ADAP1: variants seen among roughly 807,000 people sequenced by gnomAD.
ADAP1 encodes ArfGAP with dual PH domains 1, also known as arf-GAP with dual PH domain-containing protein 1.
In ADAP1, 31 loss-of-function variants were observed where a neutral mutation model predicts 54.9. The observed-to-expected ratio is 0.56, with a 90% CI of 0.42 to 0.76. The LOEUF is 0.76. ADAP1 is among the 30% of genes least tolerant of loss of function. ADAP1 has a pLI of 0.00. For missense variants in ADAP1, 535 were observed against 512.4 expected, an observed-to-expected ratio of 1.04 and a Z score of -0.42; for synonymous variants, 313 against 202.6, an observed-to-expected ratio of 1.55 and a Z score of -4.63.
At chr7:915,599 G>A (rs1845901558) in intron 4 of ADAP1, among the ~76,000 whole-genome samples, 1 of 152,186 alleles carries the variant, frequency 6.6e-6, no homozygotes, top group Admixed American at 6.5e-5. Context: ...CCTGCCCGAG[G>A]GTCACACGGG....
intron 1 of ADAP1, among the ~76,000 whole-genome samples, chr7:947,798 G>A (rs1028103899): frequency 1.3e-5 from 2 of 151,834 alleles, no homozygotes; most frequent in African/African-American, 2.4e-5. Flanking sequence ...GACACTCCTC[G>A]GCTCACAGAA....
In ADAP1 at chr7:898,779, T is replaced by C. The variant is rs1844629814; in HGVS notation, c.*142A>G. The C allele has an allele frequency of 8.9e-6, 10 of 1,119,354 alleles. No individual in the cohort carries two copies. Among genetic ancestry groups the C allele is most frequent in the Non-Finnish European group, 1.3e-5 (10 of 778,536 alleles). The allele number at this position is 1,119,354 out of a possible 1,614,324, so 69.3% of individuals were successfully genotyped here. ...AGAGAAGCATCCTGGAAGCTGAAGC[T>C]CGGGCCCTACCTGGCCGCGCCGGGC... On this transcript the variant is annotated 3_prime_UTR_variant, in exon 11 of 11. Coordinates refer to ENST00000265846, the MANE Select transcript of ADAP1 (RefSeq NM_006869.4).
chr7:900,469 T>C (rs1482706948), intron 7 of ADAP1, 64 bp downstream of exon 7: 3 of 1,493,508 alleles, frequency 2.0e-6, no homozygotes, highest in East Asian at 4.8e-5. Flanking sequence ...GCACGAGGGC[T>C]CCGTCCACCC....
chr7:898,189 C>G lies in ADAP1; in HGVS notation c.*732G>C, dbSNP rs1844596423. ...CCGCCTGCAGCAAGCGCGACAGTGC[C>G]CGGGACCCCCAGGGCCACTCCTGCC... On this transcript the variant is annotated 3_prime_UTR_variant, in exon 11 of 11. Transcript: ENST00000265846. 1 of 152,626 alleles carries G rather than the reference C, an allele frequency of 6.6e-6. No individual in the cohort carries two copies. The highest frequency in any genetic ancestry group is 1.5e-5 in the Non-Finnish European group (1 of 68,342). 9.5% of individuals were successfully genotyped at this position (152,626 alleles called of 1,614,324 possible).
rs1257431161 is a variant in ADAP1, at chr7:946,040, A to G, written c.82+8356T>C. ...GGACGCTGGCTCTGGCCAGGCACGC[A>G]AGGGGCAGCCGAGGTGGGAGGGTGC... On this transcript the variant is annotated intron_variant, in intron 1 of 10. Transcript: ENST00000265846. The surrounding 1 kb of genome is among the most constrained non-coding windows in gnomAD (Gnocchi z 4.3). Among the ~76,000 whole-genome samples the G allele has an allele frequency of 5.3e-5, 8 of 152,152 alleles. No individual in the cohort carries two copies. Among genetic ancestry groups the G allele is most frequent in the Non-Finnish European group, 1.2e-4 (8 of 68,010 alleles).
chr7:905,908 A>AG (rs1287174815), intron 4 of ADAP1, among the ~76,000 whole-genome samples: 2 of 12,050 alleles, frequency 1.7e-4, no homozygotes, highest in Non-Finnish European at 3.4e-4. Context: ...GAAAGGAGAA[A>AG]GGGAAAGGAG....
In ADAP1 at chr7:926,789, T is replaced by C; in HGVS notation, c.214-145A>G. The C allele has an allele frequency of 2.7e-6, 2 of 727,932 alleles. No individual in the cohort carries two copies. The highest frequency in any genetic ancestry group is 3.4e-5 in the Admixed American group (1 of 29,108). The allele number at this position is 727,932 out of a possible 1,614,324, so 45.1% of individuals were successfully genotyped here. A position where few individuals can be genotyped will look rare whatever the true frequency, so the allele number is the denominator to read the frequency against. On this transcript the variant is annotated intron_variant, in intron 2 of 10. Coordinates refer to ENST00000265846, the MANE Select transcript of ADAP1 (RefSeq NM_006869.4). The surrounding 1 kb of genome is among the most constrained non-coding windows in gnomAD (Gnocchi z 4.6). The stretch of plus-strand genomic sequence containing the variant: ...CCAGCACCAGGACGGGAACGCCACC[T>C]CCTCCTGCCCCAGGGACACCATTTC...
chr7:912,389 C>CGG (rs1389457490), intron 4 of ADAP1, among the ~76,000 whole-genome samples: 2 of 152,100 alleles, frequency 1.3e-5, no homozygotes, highest in Non-Finnish European at 2.9e-5. Context: ...CAGGGGCAGG[C>CGG]GGGGGGCAAG....
chr7:952,778 T>C (rs1193586964), intron 1 of ADAP1, among the ~76,000 whole-genome samples: 5 of 152,242 alleles, frequency 3.3e-5, no homozygotes, highest in Admixed American at 2.6e-4. Flanking sequence ...GGACAGATTC[T>C]GAAAAGGCAG....
chr7:948,796 G>A (rs752775761), intron 1 of ADAP1, among the ~76,000 whole-genome samples: 4 of 152,040 alleles, frequency 2.6e-5, no homozygotes, highest in African/African-American at 4.8e-5. Context: ...TACCAGGTTC[G>A]AGCGATTCTC....
In ADAP1 at chr7:904,262, G is replaced by A; in HGVS notation, c.512C>T (p.Pro171Leu). Reference protein sequence around the residue: ...KYFNRNDAKEPKAVMKIEHLN... With the variant: ...KYFNRNDAKELKAVMKIEHLN... ...GTGCTCGATCTTCATCACGGCCTTG[G>A]GCTCCTTGGCCTGAGAAGGGGTGGG... The change falls in exon 6 of 11, where the codon CCC (proline) becomes CTC (leucine). Residue 171 changes from proline to leucine, a missense_variant. Transcript: ENST00000265846. 1 of 1,596,524 alleles carries A rather than the reference G, an allele frequency of 6.3e-7. No individual in the cohort carries two copies. Among genetic ancestry groups the A allele is most frequent in the Non-Finnish European group, 8.5e-7 (1 of 1,170,818 alleles).
At chr7:905,769 GGAGAAAGGAGAAAGGAGAAA>G (rs1845220406) in intron 4 of ADAP1, among the ~76,000 whole-genome samples, 6 of 64,402 alleles carry the variant, frequency 9.3e-5, no homozygotes, top group African/African-American at 2.1e-4. Flanking sequence ...AAGGGAGAAA[GGAGAAAGGAGAAAGGAGAAA>G]GGAGAAAGGA....
Position 935,419 on chromosome 7 carries a change from C to A in ADAP1, c.169G>T (p.Val57Leu). Reference sequence around the variant, plus strand: ...CAGGCGTCCAGGCGGACGGACTTCACCTTGCTGACCTGGGGGATATTCCGG... The same window carrying A: ...CAGGCGTCCAGGCGGACGGACTTCAACTTGCTGACCTGGGGGATATTCCGG... Reference protein sequence around the residue: ...IHRNIPQVSKVKSVRLDAWEE... With the variant: ...IHRNIPQVSKLKSVRLDAWEE... The change falls in exon 2 of 11, where the codon GTG (valine) becomes TTG (leucine). Residue 57 changes from valine (V) to leucine (L), a missense_variant. Val to Leu is a conservative substitution (Grantham distance 32, BLOSUM62 1). Coordinates refer to ENST00000265846, the MANE Select transcript of ADAP1 (RefSeq NM_006869.4). 6.4e-7 allele frequency: 1 copy of A among 1,560,944 alleles called. No homozygotes were observed. The highest frequency in any genetic ancestry group is 1.9e-5 in the Admixed American group (1 of 52,464).
intron 4 of ADAP1, among the ~76,000 whole-genome samples, chr7:910,398 C>T (rs1385527429): frequency 3.3e-5 from 5 of 152,052 alleles, no homozygotes; most frequent in Admixed American, 6.5e-5. Flanking sequence ...CACAGATGCA[C>T]GCCACCACAC....
intron 2 of ADAP1, among the ~76,000 whole-genome samples, chr7:932,691 CT>C (rs753410123): frequency 3.9e-4 from 60 of 152,290 alleles, no homozygotes; most frequent in African/African-American, 1.1e-3. Context: ...GTGTCCCCCC[CT>C]GGGTCAGTGA....
intron 5 of ADAP1, 41 bp downstream of exon 5, chr7:905,019 C>A (rs891021232): frequency 6.4e-7 from 1 of 1,569,338 alleles, no homozygotes; most frequent in African/African-American, 1.3e-5. Context: ...CGGGATGCCG[C>A]CCTGGGACAG....
chr7:908,773 C>T (rs1253339179), intron 4 of ADAP1, among the ~76,000 whole-genome samples: 1 of 152,252 alleles, frequency 6.6e-6, no homozygotes, highest in African/African-American at 2.4e-5. Flanking sequence ...GCTTCCCGGC[C>T]TCTGCCGCTC....
chr7:923,384 C>T (rs970597785), intron 3 of ADAP1: 3 of 151,788 alleles, frequency 2.0e-5, no homozygotes, highest in Non-Finnish European at 4.4e-5. Context: ...GCCCTGATCA[C>T]CCCTCACCAC....
intron 4 of ADAP1, among the ~76,000 whole-genome samples, chr7:914,248 G>T (rs6959434): frequency 6.6e-6 from 1 of 152,196 alleles, no homozygotes; most frequent in African/African-American, 2.4e-5. Flanking sequence ...GGCCAACGTG[G>T]GGTTGTGGGT....
Sources: allele counts gnomAD v4.1 joint callset (sites outside exome capture counted in the v4.1 genomes callset), GRCh38; gene constraint gnomAD v4.1.1; non-coding constraint Gnocchi (gnomAD v3.1); transcripts MANE v1.5; gene names NCBI Gene and HGNC (gene_info 2026-07-23, HGNC 2026-07-21).